The following PRKN variants were observed in gnomAD, a reference collection of about 807,000 sequenced individuals.
PRKN encodes parkin RBR E3 ubiquitin protein ligase.
Under a neutral mutation model 59.5 loss-of-function variants are expected in PRKN, and 56 were observed. The observed-to-expected ratio is 0.94, with a 90% CI of 0.76 to 1.18. The LOEUF is 1.18. PRKN is among the 50% of genes most tolerant of loss of function. PRKN has a pLI of 0.00. For missense variants in PRKN, 657 were observed against 596.4 expected (o/e 1.10, Z -1.06); for synonymous variants, 250 against 222.1 (o/e 1.13, Z -1.12).
rs1781821284 is a variant in PRKN, at chr6:161,593,996, A to G, written c.872-24580T>C. Among the ~76,000 whole-genome samples the G allele has an allele frequency of 6.6e-6, 1 of 151,726 alleles. No individual in the cohort carries two copies. The highest frequency in any genetic ancestry group is 1.5e-5 in the Non-Finnish European group (1 of 67,940). ...GAAACCCCATCTCTACTAAAAAAAA[A>G]AAACAAAAAACAAAAACCCAGCAGG... On this transcript the variant is annotated intron_variant, in intron 7 of 11. Coordinates refer to ENST00000366898, the MANE Select transcript of PRKN (RefSeq NM_004562.3). This position sits in a 1 kb window ranked among gnomAD's most constrained non-coding sequence, Gnocchi z 4.8.
rs1400024482 is a variant in PRKN at position 161,386,459 on chromosome 6, C to T, written c.1167+335G>A. On this transcript the variant is annotated intron_variant, in intron 10 of 11. Transcript: ENST00000366898. The surrounding 1 kb of genome is among the most constrained non-coding windows in gnomAD (Gnocchi z 4.3). ...AGGGCATTAAAAACATTGAAGTAGA[C>T]TTAGTATGGATTTCTCTGATTTAGA... Among the ~76,000 whole-genome samples, 1 of 152,180 alleles carries T rather than the reference C, an allele frequency of 6.6e-6. No individual in the cohort carries two copies. Among genetic ancestry groups the T allele is most frequent in the Non-Finnish European group, 1.5e-5 (1 of 68,026 alleles).
intron 1 of PRKN, among the ~76,000 whole-genome samples, chr6:162,645,029 T>C (rs1383058585): frequency 6.6e-6 from 1 of 152,206 alleles, no homozygotes; most frequent in African/African-American, 2.4e-5. Context: ...CATTTCAGTG[T>C]ATTCAACTTT....
intron 7 of PRKN, among the ~76,000 whole-genome samples, chr6:161,779,203 G>C (rs1209687592): frequency 6.6e-6 from 1 of 152,048 alleles, no homozygotes; most frequent in Admixed American, 6.6e-5. Context: ...GCCTCCCAAA[G>C]TGCTGGGATT....
chr6:162,002,726 T>C (rs753997922), intron 5 of PRKN, among the ~76,000 whole-genome samples: 3 of 152,114 alleles, frequency 2.0e-5, no homozygotes, highest in African/African-American at 7.2e-5. Flanking sequence ...GAAACTGAGA[T>C]GATTTATTTT....
At chr6:161,976,071 AATTTTTGT>A (rs1281020194) in intron 5 of PRKN, among the ~76,000 whole-genome samples, 2 of 151,866 alleles carry the variant, frequency 1.3e-5, no homozygotes, top group Non-Finnish European at 2.9e-5. Flanking sequence ...ATGCCAGGCT[AATTTTTGT>A]ATTTTTGTAG....
rs150515459 is a variant in PRKN at position 162,135,189 on chromosome 6, TGCAGTG to T, written c.534+65936_534+65941del. 5.0e-3 allele frequency among the ~76,000 whole-genome samples: 757 copies of T among 152,222 alleles called. 5 individuals carry two copies. Among genetic ancestry groups the T allele is most frequent in the Non-Finnish European group, 7.7e-3 (521 of 68,026 alleles). On this transcript the variant is annotated intron_variant, in intron 4 of 11. Coordinates refer to ENST00000366898, the MANE Select transcript of PRKN (RefSeq NM_004562.3). ...TCTTCCCCTGTCTCCCAGGCTGGAG[TGCAGTG>T]GCCTGATCATAGCTCACTGTAGTCT... is the stretch of plus-strand genomic sequence containing the variant.
At chr6:162,021,151 T>C (rs866261127) in intron 5 of PRKN, among the ~76,000 whole-genome samples, 1 of 16,868 alleles carries the variant, frequency 5.9e-5, no homozygotes, top group African/African-American at 2.0e-4. Flanking sequence ...TATATATATA[T>C]ATATATATAT....
At chr6:162,103,452 G>A (rs947065338) in intron 4 of PRKN, among the ~76,000 whole-genome samples, 14 of 152,064 alleles carry the variant, frequency 9.2e-5, no homozygotes, top group African/African-American at 2.4e-4. Flanking sequence ...CTTATAATAC[G>A]GACGCAATGA....
intron 4 of PRKN, among the ~76,000 whole-genome samples, chr6:162,175,841 T>A (rs1337321324): frequency 6.6e-6 from 1 of 152,202 alleles, no homozygotes; most frequent in African/African-American, 2.4e-5. Flanking sequence ...AGGGCTGTTG[T>A]CTGACATCCA....
At chr6:161,606,589 A>AT (rs1449175593) in intron 7 of PRKN, among the ~76,000 whole-genome samples, 3 of 152,186 alleles carry the variant, frequency 2.0e-5, no homozygotes, top group Non-Finnish European at 2.9e-5. Context: ...CAGAAGAGAG[A>AT]TGTTAATCAA....
In PRKN at chr6:162,162,967, C is replaced by T. The variant is rs1782823062; in HGVS notation, c.534+38164G>A. ...AGGTTGCAGTGAGCCGAGATCGTGC[C>T]ACTGTACTCCAGCCTGGGCGACAGA... On this transcript the variant is annotated intron_variant, in intron 4 of 11. Transcript: ENST00000366898. Among the ~76,000 whole-genome samples the T allele has an allele frequency of 1.3e-5, 2 of 148,896 alleles. 1 individual carries two copies. Among genetic ancestry groups the T allele is most frequent in the South Asian group, 4.2e-4 (2 of 4,752 alleles).
chr6:161,431,698 C>T (rs758422856), intron 9 of PRKN, among the ~76,000 whole-genome samples: 5 of 151,738 alleles, frequency 3.3e-5, no homozygotes, highest in Non-Finnish European at 7.4e-5. Flanking sequence ...CTGCAACCTC[C>T]GCCTCCCGGG....
intron 2 of PRKN, among the ~76,000 whole-genome samples, chr6:162,387,925 C>T (rs138147011): frequency 7.2e-5 from 11 of 152,264 alleles, no homozygotes; most frequent in Admixed American, 2.0e-4. Flanking sequence ...AACTCCATGG[C>T]GGAATTCCTC....
chr6:161,874,255 TTATATGTAA>T (rs1330705912), intron 6 of PRKN, among the ~76,000 whole-genome samples: 8,218 of 26,118 alleles, frequency 0.31, 2,545 homozygotes, highest in Non-Finnish European at 0.45. Context: ...ATAATATATA[TTATATGTAA>T]AATATATAAT....
At chr6:162,513,663 A>T (rs114910880) in intron 1 of PRKN, among the ~76,000 whole-genome samples, 1,686 of 152,288 alleles carry the variant, frequency 0.011, 38 homozygotes, top group African/African-American at 0.039. Flanking sequence ...CTGGACATAA[A>T]CCAGACTTAG....
chr6:162,406,375 TAGTCA>T (rs982987471), intron 2 of PRKN, among the ~76,000 whole-genome samples: 1 of 152,196 alleles, frequency 6.6e-6, no homozygotes, highest in African/African-American at 2.4e-5. Context: ...TTACCTTCTC[TAGTCA>T]AGAGTTCAAT....
intron 7 of PRKN, among the ~76,000 whole-genome samples, chr6:161,674,257 C>A (rs900839097): frequency 2.0e-5 from 3 of 151,898 alleles, no homozygotes; most frequent in African/African-American, 7.3e-5. Context: ...CAGCTGTCAA[C>A]ATAGTAGACT....
chr6:162,021,328 G>A (rs1783177964), intron 5 of PRKN, among the ~76,000 whole-genome samples: 1 of 145,542 alleles, frequency 6.9e-6, no homozygotes, highest in Non-Finnish European at 1.5e-5. Flanking sequence ...TTTTAACAAA[G>A]GCTTTCAAAT....
chr6:161,406,520 C>T (rs1293934434), intron 9 of PRKN, among the ~76,000 whole-genome samples: 4 of 152,052 alleles, frequency 2.6e-5, no homozygotes, highest in Non-Finnish European at 5.9e-5. Context: ...GAATGGTACC[C>T]TAAGTTCTGC....
Sources: allele counts gnomAD v4.1 joint callset (sites outside exome capture counted in the v4.1 genomes callset), GRCh38; gene constraint gnomAD v4.1.1; non-coding constraint Gnocchi (gnomAD v3.1); transcripts MANE v1.5; gene names NCBI Gene and HGNC (gene_info 2026-07-23, HGNC 2026-07-21).